The following FSTL4 variants were observed in gnomAD, a reference collection of about 807,000 sequenced individuals.
FSTL4 encodes follistatin-related protein 4.
FSTL4 carries 28 observed loss-of-function variants against 78.2 expected under a neutral mutation model. The observed-to-expected ratio is 0.36, with a 90% confidence interval of 0.27 to 0.49. The LOEUF is 0.49. Among genes scored for constraint, FSTL4 ranks in the 20% least tolerant of loss-of-function variants. The probability of loss-of-function intolerance (pLI) is 0.98; values close to 1 mark genes in which losing one functional copy is unlikely to be tolerated. For synonymous variants in FSTL4, 422 were observed against 440.5 expected (o/e 0.96, Z 0.53); for missense variants, 922 against 1,084.9 (o/e 0.85, Z 2.11).
chr5:133,591,001 C>G (rs777160082), intron 2 of FSTL4, among the ~76,000 whole-genome samples: 6 of 152,298 alleles, frequency 3.9e-5, no homozygotes, highest in Non-Finnish European at 8.8e-5. Flanking sequence ...GGCACCATCA[C>G]CCAACTTGTG....
chr5:133,575,489 C>A lies in FSTL4; in HGVS notation c.127-8270G>T, dbSNP rs541914908. On this transcript the variant is annotated intron_variant, in intron 2 of 15. Transcript: ENST00000265342. ...CTTAGCATGGTGTCCAGCACACAGGCAGTCCTCCAACATGTGCCACCATCA... is the reference window on the plus strand; with the variant it reads ...CTTAGCATGGTGTCCAGCACACAGGAAGTCCTCCAACATGTGCCACCATCA... Among the ~76,000 whole-genome samples, 3 of 152,276 alleles carry A rather than the reference C, an allele frequency of 2.0e-5. No individual in the cohort carries two copies. In the South Asian group the frequency reaches 6.2e-4, roughly 32 times the overall value.
At chr5:133,456,815 G>A (rs1046295752) in intron 3 of FSTL4, among the ~76,000 whole-genome samples, 2 of 152,202 alleles carry the variant, frequency 1.3e-5, no homozygotes, top group Non-Finnish European at 2.9e-5. Context: ...AACTATCTGT[G>A]ACATGAATGG....
intron 2 of FSTL4, among the ~76,000 whole-genome samples, chr5:133,567,996 G>T (rs932967765): frequency 6.6e-6 from 1 of 152,152 alleles, no homozygotes; most frequent in African/African-American, 2.4e-5. Flanking sequence ...GGAAACATAA[G>T]GAAAAGTGTT....
chr5:133,753,210 C>G, the FSTL4 span, among the ~76,000 whole-genome samples: 1 of 152,362 alleles, frequency 6.6e-6, no homozygotes, highest in South Asian at 2.1e-4. Context: ...GGGCAGCCTT[C>G]TCCTCTGCTC....
intron 6 of FSTL4, among the ~76,000 whole-genome samples, chr5:133,259,437 C>G (rs1752461043): frequency 1.3e-5 from 2 of 151,570 alleles, no homozygotes; most frequent in Admixed American, 1.3e-4. Context: ...CAGGAAATAG[C>G]TAGTTAGAGC....
chr5:133,741,562 G>T, the FSTL4 span, among the ~76,000 whole-genome samples: 2 of 152,216 alleles, frequency 1.3e-5, no homozygotes, highest in Non-Finnish European at 2.9e-5. Context: ...GGGAGCGGGG[G>T]CAAGAAAAGT....
At chr5:133,202,261 C>T (rs1222012677) in intron 14 of FSTL4, among the ~76,000 whole-genome samples, 1 of 152,198 alleles carries the variant, frequency 6.6e-6, no homozygotes, top group African/African-American at 2.4e-5. Flanking sequence ...AGTGGTGGGA[C>T]AGGACTGATT....
intron 4 of FSTL4, among the ~76,000 whole-genome samples, chr5:133,332,355 C>T (rs1754368724): frequency 6.6e-6 from 1 of 152,248 alleles, no homozygotes; most frequent in African/African-American, 2.4e-5. Context: ...CTGAGAATGG[C>T]CTCCTGGCTG....
chr5:133,671,425 A>T, the FSTL4 span, among the ~76,000 whole-genome samples: 1 of 54,938 alleles, frequency 1.8e-5, no homozygotes, highest in Admixed American at 2.2e-4. Flanking sequence ...CTTATTTTGT[A>T]GGTAAAACTA....
At chr5:133,263,645 G>A (rs1370519909) in intron 6 of FSTL4, among the ~76,000 whole-genome samples, 3 of 152,142 alleles carry the variant, frequency 2.0e-5, no homozygotes, top group Admixed American at 1.3e-4. Flanking sequence ...GAGGTGAGAA[G>A]GTGAAGAGGC....
the FSTL4 span, among the ~76,000 whole-genome samples, chr5:133,778,794 C>T: frequency 6.6e-6 from 1 of 152,222 alleles, no homozygotes; most frequent in South Asian, 2.1e-4. Context: ...GGAACCAGGC[C>T]TCAAAAGGGG....
chr5:133,531,218 T>A (rs1759245588), intron 3 of FSTL4, among the ~76,000 whole-genome samples: 1 of 152,194 alleles, frequency 6.6e-6, no homozygotes, highest in Non-Finnish European at 1.5e-5. Context: ...CTTGTCAACA[T>A]GTTCCTTTAA....
chr5:133,375,312 AAAAGAC>A (rs1755408027), intron 4 of FSTL4, among the ~76,000 whole-genome samples: 7 of 134,672 alleles, frequency 5.2e-5, no homozygotes, highest in Middle Eastern at 3.9e-3. Context: ...ATATATATAT[AAAAGAC>A]TCTAAAGTTA....
chr5:133,523,751 C>A (rs185528367), intron 3 of FSTL4, among the ~76,000 whole-genome samples: 1 of 152,348 alleles, frequency 6.6e-6, no homozygotes, highest in East Asian at 1.9e-4. Flanking sequence ...CATTCAACAG[C>A]AGTCCAGGGA....
At chr5:133,290,288 A>G (rs1753228850) in intron 6 of FSTL4, among the ~76,000 whole-genome samples, 1 of 152,246 alleles carries the variant, frequency 6.6e-6, no homozygotes, top group African/African-American at 2.4e-5. Context: ...GAATGTTTGG[A>G]GCTGCATCAG....
the FSTL4 span, among the ~76,000 whole-genome samples, chr5:133,653,755 C>T: frequency 2.0e-5 from 3 of 152,074 alleles, no homozygotes; most frequent in East Asian, 1.9e-4. Context: ...TGTCAGGGTC[C>T]GAGAAGATTA....
the FSTL4 span, among the ~76,000 whole-genome samples, chr5:133,804,942 CA>C: frequency 3.4e-4 from 32 of 94,498 alleles, no homozygotes; most frequent in African/African-American, 1.4e-3. Context: ...GACTCCGTCT[CA>C]AAAAAAAAAA....
chr5:133,811,772 G>T, the FSTL4 span, among the ~76,000 whole-genome samples: 1 of 152,090 alleles, frequency 6.6e-6, no homozygotes, highest in East Asian at 1.9e-4. Flanking sequence ...CACACCCCTG[G>T]GGAGCCCATC....
At chr5:133,228,528 T>C (rs1581547683) in intron 8 of FSTL4, among the ~76,000 whole-genome samples, 1 of 152,196 alleles carries the variant, frequency 6.6e-6, no homozygotes, top group Non-Finnish European at 1.5e-5. Flanking sequence ...AAGTAAAATA[T>C]GGACAAGTCA....
Sources: gnomAD v4.1 joint callset for allele counts (sites outside exome capture counted in the v4.1 genomes callset) on GRCh38, gnomAD v4.1.1 for gene constraint, MANE v1.5 for transcripts, NCBI Gene and HGNC (gene_info 2026-07-23, HGNC 2026-07-21) for gene names.